Variants in BCAS4 observed in about 807,000 individuals in gnomAD.
The protein encoded by BCAS4 is breast carcinoma-amplified sequence 4.
BCAS4 carries 9 observed loss-of-function variants against 15.7 expected under a neutral mutation model. The ratio of observed to expected loss-of-function variants is 0.57; its 90% CI spans 0.34 to 1.00. BCAS4 has a LOEUF of 1.00. Ranked by LOEUF, BCAS4 falls within the 50% of genes least tolerant of loss-of-function variation. The pLI is 0.02. For synonymous variants in BCAS4, 101 were observed against 99.5 expected (o/e 1.02, Z -0.09); for missense variants, 225 against 239.1 (o/e 0.94, Z 0.39).
upstream of BCAS4, chr20:50,794,998 A>C (rs1166803430): frequency 4.5e-6 from 6 of 1,326,906 alleles, no homozygotes; most frequent in African/African-American, 6.1e-5. Context: ...CGGGGCATGC[A>C]GCGGACCGGG....
At chr20:50,805,832 A>C (rs2087982393) in intron 1 of BCAS4, among the ~76,000 whole-genome samples, 1 of 152,084 alleles carries the variant, frequency 6.6e-6, no homozygotes, top group Non-Finnish European at 1.5e-5. Context: ...AAACTTAGCC[A>C]GGCGTGGTGG....
chr20:50,829,866 T>C (rs1253254351), intron 2 of BCAS4, among the ~76,000 whole-genome samples: 1 of 152,184 alleles, frequency 6.6e-6, no homozygotes, highest in Non-Finnish European at 1.5e-5. Context: ...ATTAACATTA[T>C]TAATGAATAT....
intron 1 of BCAS4, among the ~76,000 whole-genome samples, chr20:50,812,350 G>A (rs1471068759): frequency 1.3e-5 from 2 of 151,376 alleles, no homozygotes; most frequent in African/African-American, 2.4e-5. Flanking sequence ...AGCCAGGATG[G>A]TCTCGATCTC....
chr20:50,820,672 G>A (rs1318189420), intron 2 of BCAS4, among the ~76,000 whole-genome samples: 1 of 152,210 alleles, frequency 6.6e-6, no homozygotes, highest in East Asian at 1.9e-4. Flanking sequence ...AGAAGTCCAT[G>A]TGGACAGGCG....
chr20:50,802,496 T>C lies in BCAS4; in HGVS notation c.90+7323T>C, dbSNP rs547463639. On this transcript the variant is annotated intron_variant, in intron 1 of 4. Transcript: ENST00000371608. ...AGCCTCTCCTCACAGGACATGGCCT[T>C]GCTTTAGGTGAGGGTCTGCCTAGAG... is the stretch of plus-strand genomic sequence containing the variant. Among the ~76,000 whole-genome samples the C allele has an allele frequency of 1.4e-3, 208 of 152,368 alleles. 1 individual carries two copies. Among genetic ancestry groups the C allele is most frequent in the African/African-American group, 4.7e-3 (195 of 41,598 alleles).
At chr20:50,801,466 G>A (rs568005821) in intron 1 of BCAS4, among the ~76,000 whole-genome samples, 1 of 152,250 alleles carries the variant, frequency 6.6e-6, no homozygotes, top group East Asian at 1.9e-4. Flanking sequence ...GGGGACTCCA[G>A]GGTATGGTCT....
intron 1 of BCAS4, among the ~76,000 whole-genome samples, chr20:50,799,413 C>T (rs2087902002): frequency 6.6e-6 from 1 of 152,222 alleles, no homozygotes; most frequent in Non-Finnish European, 1.5e-5. Flanking sequence ...AGCAGAGTCA[C>T]ATGCAGCCTC....
At chr20:50,859,995 G>A (rs1405521923) in intron 4 of BCAS4, among the ~76,000 whole-genome samples, 2 of 152,086 alleles carry the variant, frequency 1.3e-5, no homozygotes, top group Non-Finnish European at 1.5e-5. Context: ...AATTAGTTGG[G>A]CATAGTAGCA....
rs6020818 is a variant in BCAS4, at chr20:50,876,391, G to C, written c.400-95G>C. The C allele has an allele frequency of 0.021, 31,177 of 1,512,370 alleles. 2,310 individuals are homozygous for C. The African/African-American group carries it at 0.21, about 10-fold the overall frequency. 93.7% of individuals were successfully genotyped at this position (1,512,370 alleles called of 1,614,324 possible). A position where few individuals can be genotyped will look rare whatever the true frequency, so the allele number is the denominator to read the frequency against. On this transcript the variant is annotated intron_variant, in intron 4 of 4. Coordinates refer to ENST00000371608, the MANE Select transcript of BCAS4 (RefSeq NM_198799.4). ...GCTCAGAGTCTTTGGTCATATGTGT[G>C]AGTCCTGCAGGATGAACTTGTAGAC...
chr20:50,802,235 G>A (rs1391961110), intron 1 of BCAS4, among the ~76,000 whole-genome samples: 1 of 152,128 alleles, frequency 6.6e-6, no homozygotes, highest in Non-Finnish European at 1.5e-5. Flanking sequence ...CCACGTGGCT[G>A]CGGTGTTAGA....
chr20:50,871,030 C>G (rs1169842316), intron 4 of BCAS4, among the ~76,000 whole-genome samples: 1 of 152,214 alleles, frequency 6.6e-6, no homozygotes, highest in Non-Finnish European at 1.5e-5. Context: ...GTTGGACGCA[C>G]CTCCTGGACC....
chr20:50,807,507 A>AT (rs1329097279), intron 1 of BCAS4, among the ~76,000 whole-genome samples: 2 of 152,056 alleles, frequency 1.3e-5, no homozygotes, highest in African/African-American at 4.8e-5. Flanking sequence ...ACGTTATTTT[A>AT]TTTTTTAATT....
At chr20:50,833,593 G>A (rs2088370674) in intron 3 of BCAS4, among the ~76,000 whole-genome samples, 1 of 152,220 alleles carries the variant, frequency 6.6e-6, no homozygotes, top group Non-Finnish European at 1.5e-5. Context: ...TCAAAGCGCT[G>A]ATCTAGAGCT....
intron 2 of BCAS4, among the ~76,000 whole-genome samples, chr20:50,827,766 G>T (rs140649114): frequency 0.026 from 3,991 of 152,230 alleles, 182 homozygotes; most frequent in African/African-American, 0.092. Flanking sequence ...TTGCACTGTC[G>T]CCCGGGCTGG....
Position 50,812,325 on chromosome 20 carries a change from G to A in BCAS4, c.91-5886G>A, listed in dbSNP as rs531669530. Among the ~76,000 whole-genome samples, 556 of 152,124 alleles carry A rather than the reference G, an allele frequency of 3.7e-3. 3 individuals are homozygous for A. Among genetic ancestry groups the A allele is most frequent in the Non-Finnish European group, 6.7e-3 (458 of 67,996 alleles). ...TTTTTTGTATTTTTTAGTAGAGACG[G>A]GGTTTCACCGTGTTAGCCAGGATGG... On this transcript the variant is annotated intron_variant, in intron 1 of 4. Transcript: ENST00000371608.
At chr20:50,800,060 A>C (rs2087909536) in intron 1 of BCAS4, among the ~76,000 whole-genome samples, 1 of 152,130 alleles carries the variant, frequency 6.6e-6, no homozygotes, top group Non-Finnish European at 1.5e-5. Context: ...AAACAAAACA[A>C]AATGAAACCG....
At chr20:50,817,360 C>A (rs189785099) in intron 1 of BCAS4, among the ~76,000 whole-genome samples, 7 of 152,164 alleles carry the variant, frequency 4.6e-5, no homozygotes, top group African/African-American at 1.7e-4. Context: ...ATGGGATGCC[C>A]GGTTGAATTT....
At chr20:50,811,875 A>G (rs2426200) in intron 1 of BCAS4, among the ~76,000 whole-genome samples, 32,236 of 152,136 alleles carry the variant, frequency 0.21, 4,767 homozygotes, top group African/African-American at 0.42. Context: ...TGCCTGCCTC[A>G]GCCTCCTAAA....
At chr20:50,846,109 A>C (rs1044507637) in intron 4 of BCAS4, among the ~76,000 whole-genome samples, 1 of 152,276 alleles carries the variant, frequency 6.6e-6, no homozygotes, top group African/African-American at 2.4e-5. Flanking sequence ...CTTGGCACCC[A>C]GCCACAAAAA....
Sources: allele counts gnomAD v4.1 joint callset (sites outside exome capture counted in the v4.1 genomes callset), GRCh38; gene constraint gnomAD v4.1.1; transcripts MANE v1.5; gene names NCBI Gene and HGNC (gene_info 2026-07-23, HGNC 2026-07-21).